BSN: variants seen among roughly 807,000 people sequenced by gnomAD.
The protein encoded by BSN is bassoon presynaptic cytomatrix protein.
Under a neutral mutation model 264.8 loss-of-function variants are expected in BSN, and 57 were observed. The ratio of observed to expected loss-of-function variants is 0.22; its 90% CI spans 0.17 to 0.27. The LOEUF is 0.27. BSN is among the 10% of genes least tolerant of loss of function. The pLI, the probability that BSN is intolerant of heterozygous loss-of-function variation, is 1.00. For synonymous variants in BSN, 2,059 were observed against 2,137.3 expected (o/e 0.96, Z 1.01); for missense variants, 4,615 against 5,232.5 (o/e 0.88, Z 3.64).
chr3:49,564,014 C>T (rs112216736), intron 1 of BSN, among the ~76,000 whole-genome samples: 32 of 152,316 alleles, frequency 2.1e-4, no homozygotes, highest in African/African-American at 6.5e-4. Flanking sequence ...GAGGTCCCTG[C>T]GCTTACTTCC....
chr3:49,651,465 GGGATTGACAGGGA>G lies in BSN; in HGVS notation c.1987-71_1987-59del. ...TGGACAGACTCTTCCCCAGGGTCCT[GGGATTGACAGGGA>G]GGATTGGGTTCCCACCACGAGCTTT... is the stretch of plus-strand genomic sequence containing the variant. On this transcript the variant is annotated intron_variant, in intron 4 of 11. Transcript: ENST00000296452. The surrounding 1 kb of genome is among the most constrained non-coding windows in gnomAD (Gnocchi z 5.4). The G allele has an allele frequency of 1.4e-6, 2 of 1,442,940 alleles. No individual in the cohort carries two copies. Among genetic ancestry groups the G allele is most frequent in the East Asian group, 4.6e-5 (2 of 43,646 alleles). The allele number at this position is 1,442,940 out of a possible 1,614,324, so 89.4% of individuals were successfully genotyped here.
chr3:49,608,924 G>A (rs2052181054), intron 1 of BSN, among the ~76,000 whole-genome samples: 1 of 151,950 alleles, frequency 6.6e-6, no homozygotes, highest in African/African-American at 2.4e-5. Context: ...TGCAGGTGAG[G>A]AGAGAGAGGG....
chr3:49,657,633 G>A lies in BSN; in HGVS notation c.8077G>A (p.Ala2693Thr). 6.3e-7 allele frequency: 1 copy of A among 1,598,050 alleles called. No homozygotes were observed. The highest frequency in any genetic ancestry group is 8.6e-7 in the Non-Finnish European group (1 of 1,169,238). ...CTCTCCAGCCATCCACATCACAGCT[G>A]CCACCGATCCCAAGGTGGAGATCGT... is the stretch of plus-strand genomic sequence containing the variant. ...RVSPAIHITA[A>T]TDPKVEIVRY... The change falls in exon 5 of 12, where the codon GCC (alanine) becomes ACC (threonine). Residue 2693 changes from alanine (A) to threonine (T), a missense_variant. Physicochemically the swap from Ala to Thr is moderately conservative, Grantham distance 58 (BLOSUM62 0). Transcript: ENST00000296452.
Position 49,625,362 on chromosome 3 carries a change from C to A in BSN, c.612C>A (p.Asn204Lys). ...HNKVCNQCGF[N>K]PNPHLTQVKE... is the part of the protein sequence containing the mutation. ...AGGTCTGCAACCAGTGTGGGTTCAACCCCAACCCTCATCTCACCCAGGTAA... is the reference window on the plus strand; with the variant it reads ...AGGTCTGCAACCAGTGTGGGTTCAAACCCAACCCTCATCTCACCCAGGTAA... Residue 204 changes from asparagine to lysine, a missense_variant, in exon 2 of 12, where the codon AAC (asparagine) becomes AAA (lysine). Asn to Lys is a moderately conservative substitution (Grantham distance 94). Transcript: ENST00000296452. This position sits in a 1 kb window ranked among gnomAD's most constrained non-coding sequence, Gnocchi z 4.4. The A allele has an allele frequency of 6.6e-7, 1 of 1,504,022 alleles. No homozygotes were observed. Among genetic ancestry groups the A allele is most frequent in the Non-Finnish European group, 8.9e-7 (1 of 1,125,664 alleles). The allele number at this position is 1,504,022 out of a possible 1,614,324, so 93.2% of individuals were successfully genotyped here.
At chr3:49,672,025 CTTTTTT>C (rs34710169), downstream of BSN, among the ~76,000 whole-genome samples, 3 of 100,412 alleles carry the variant, frequency 3.0e-5, no homozygotes, top group Non-Finnish European at 3.8e-5. Flanking sequence ...GTTGCTAGAC[CTTTTTT>C]TTTTTTTTTT....
At chr3:49,568,378 A>G (rs1390446369) in intron 1 of BSN, among the ~76,000 whole-genome samples, 1 of 152,226 alleles carries the variant, frequency 6.6e-6, no homozygotes, top group Non-Finnish European at 1.5e-5. Context: ...AAGCTTTCCT[A>G]TGATTCCAAA....
intron 3 of BSN, among the ~76,000 whole-genome samples, chr3:49,644,359 G>A (rs531261507): frequency 6.6e-6 from 1 of 152,298 alleles, no homozygotes; most frequent in Admixed American, 6.5e-5. Context: ...GTGGCACCTT[G>A]TTCTGACTTC....
Position 49,663,306 on chromosome 3 carries a change from T to C in BSN, c.11148T>C (p.His3716=), listed in dbSNP as rs766021204. 2 of 1,613,948 alleles carry C rather than the reference T, an allele frequency of 1.2e-6. No individual in the cohort carries two copies. Among genetic ancestry groups the C allele is most frequent in the East Asian group, 2.2e-5 (1 of 44,898 alleles). ...CATCCCGTGCTTCATCCGCATACCA[T>C]CATGCCTCTGACAGCAAGAAGGGCT... is the stretch of plus-strand genomic sequence containing the variant. The part of the protein sequence containing the change: ...SQPSRASSAY[H]HASDSKKGSR... Residue 3716 remains histidine, a synonymous_variant, in exon 7 of 12, where the codon CAT becomes CAC. Transcript: ENST00000296452.
chr3:49,640,509 A>T (rs898883023), intron 2 of BSN: 17 of 152,074 alleles, frequency 1.1e-4, no homozygotes, highest in African/African-American at 1.9e-4. Flanking sequence ...TATTTATTTA[A>T]TTATTTTGAG....
At chr3:49,665,560 C>T (rs2052706842) in intron 11 of BSN, among the ~76,000 whole-genome samples, 1 of 152,244 alleles carries the variant, frequency 6.6e-6, no homozygotes, top group Non-Finnish European at 1.5e-5. Context: ...AACTGCACCT[C>T]ACAACTTGAA....
intron 1 of BSN, among the ~76,000 whole-genome samples, chr3:49,581,566 C>G (rs1362438626): frequency 6.6e-6 from 1 of 152,206 alleles, no homozygotes; most frequent in Non-Finnish European, 1.5e-5. Flanking sequence ...TGGCTTACGC[C>G]TGTAATCCCA....
intron 11 of BSN, among the ~76,000 whole-genome samples, chr3:49,666,781 G>C (rs959467901): frequency 1.3e-5 from 2 of 152,146 alleles, no homozygotes; most frequent in Non-Finnish European, 2.9e-5. Context: ...AAAGTCCAAG[G>C]GGGTGGGAGC....
At chr3:49,572,868 C>T (rs545362067) in intron 1 of BSN, among the ~76,000 whole-genome samples, 1 of 152,288 alleles carries the variant, frequency 6.6e-6, no homozygotes, top group Non-Finnish European at 1.5e-5. Flanking sequence ...GATCCCTCAG[C>T]TGTGTGTGCA....
intron 1 of BSN, among the ~76,000 whole-genome samples, chr3:49,579,264 C>T (rs1488144268): frequency 6.6e-6 from 1 of 152,038 alleles, no homozygotes; most frequent in African/African-American, 2.4e-5. Flanking sequence ...GCTGGGATTA[C>T]AGGCATGAGC....
In BSN at chr3:49,642,939, A is replaced by G; in HGVS notation, c.1305A>G (p.Thr435=). 2 of 1,614,106 alleles carry G rather than the reference A, an allele frequency of 1.2e-6. No individual in the cohort carries two copies. The highest frequency in any genetic ancestry group is 1.1e-5 in the South Asian group (1 of 91,086). ...GAGCCCTGCCGAAAACTGGGGGAAC[A>G]ACCAGTCCAAAGCATGGCAGAGCAG... is the stretch of plus-strand genomic sequence containing the variant. The part of the protein sequence containing the change: ...GPGALPKTGG[T]TSPKHGRAEH... The change falls in exon 3 of 12, where the codon ACA becomes ACG. Residue 435 remains threonine, a synonymous_variant. Coordinates refer to ENST00000296452, the MANE Select transcript of BSN (RefSeq NM_003458.4). The surrounding 1 kb of genome is among the most constrained non-coding windows in gnomAD (Gnocchi z 7.0).
chr3:49,631,435 G>A (rs922939077), intron 2 of BSN, among the ~76,000 whole-genome samples: 34 of 151,880 alleles, frequency 2.2e-4, no homozygotes, highest in African/African-American at 8.0e-4. Context: ...GTGCATGCCT[G>A]TAGTCCCAAG....
chr3:49,582,510 A>G (rs868628600), intron 1 of BSN, among the ~76,000 whole-genome samples: 5 of 152,292 alleles, frequency 3.3e-5, no homozygotes, highest in Admixed American at 6.5e-5. Context: ...AGTTTTGCTG[A>G]AGTTGTTTAT....
At chr3:49,594,845 T>C (rs1321106911) in intron 1 of BSN, among the ~76,000 whole-genome samples, 1 of 152,122 alleles carries the variant, frequency 6.6e-6, no homozygotes, top group Non-Finnish European at 1.5e-5. Context: ...TTTTTTAAAA[T>C]TTCTTTCATC....
chr3:49,569,986 T>C (rs1226890702), intron 1 of BSN, among the ~76,000 whole-genome samples: 1 of 152,168 alleles, frequency 6.6e-6, no homozygotes. Context: ...TGTGATTTGC[T>C]GTTGGGCAGC....
Sources: allele counts gnomAD v4.1 joint callset (sites outside exome capture counted in the v4.1 genomes callset), GRCh38; gene constraint gnomAD v4.1.1; non-coding constraint Gnocchi (gnomAD v3.1); transcripts MANE v1.5; gene names NCBI Gene and HGNC (gene_info 2026-07-23, HGNC 2026-07-21).